The following AK5 variants were observed in gnomAD, a reference collection of about 807,000 sequenced individuals.
AK5 encodes the protein adenylate kinase 5, also known as adenylate kinase isoenzyme 5.
In AK5, 27 loss-of-function variants were observed where a neutral mutation model predicts 69.5. The observed-to-expected ratio is 0.39, with a 90% CI of 0.29 to 0.54. The LOEUF (loss-of-function observed/expected upper bound fraction) is 0.54, where lower values mean the gene tolerates loss of function less well. AK5 is among the 20% of genes least tolerant of loss of function. AK5 has a pLI of 0.71. For synonymous variants in AK5, 260 were observed against 244.4 expected, an observed-to-expected ratio of 1.06 and a Z score of -0.60; for missense variants, 531 against 700.4, an observed-to-expected ratio of 0.76 and a Z score of 2.73.
At chr1:77,305,007 C>G (rs928239986) in intron 5 of AK5, among the ~76,000 whole-genome samples, 7 of 152,036 alleles carry the variant, frequency 4.6e-5, no homozygotes. Flanking sequence ...TTGTTGTTGC[C>G]TGTCTTTTGT....
At chr1:77,521,364 C>T (rs1004000333) in intron 11 of AK5, among the ~76,000 whole-genome samples, 1 of 152,072 alleles carries the variant, frequency 6.6e-6, no homozygotes, top group East Asian at 1.9e-4. Context: ...GAACTCCTGA[C>T]CTCAGGTGAT....
intron 6 of AK5, among the ~76,000 whole-genome samples, chr1:77,367,747 T>TATATATA (rs1557533676): frequency 2.2e-4 from 2 of 9,174 alleles, no homozygotes; most frequent in African/African-American, 3.1e-4. Context: ...CGTTATATGT[T>TATATATA]ATATATGTTA....
chr1:77,453,628 A>C (rs1036704546), intron 8 of AK5, among the ~76,000 whole-genome samples: 1 of 152,222 alleles, frequency 6.6e-6, no homozygotes, highest in Non-Finnish European at 1.5e-5. Context: ...TATAATAAAC[A>C]GCAGGGGAGA....
intron 10 of AK5, among the ~76,000 whole-genome samples, chr1:77,491,087 GT>G (rs1655963181): frequency 6.6e-6 from 1 of 151,902 alleles, no homozygotes; most frequent in Non-Finnish European, 1.5e-5. Context: ...GTGATAAACT[GT>G]TTTTAAGTAG....
chr1:77,530,826 AC>A (rs947286953), intron 12 of AK5, among the ~76,000 whole-genome samples: 3 of 152,060 alleles, frequency 2.0e-5, no homozygotes, highest in Admixed American at 1.3e-4. Context: ...ACGTGGCCTA[AC>A]CCCCATTCTG....
At chr1:77,386,099 C>A (rs145774153) in intron 6 of AK5, among the ~76,000 whole-genome samples, 1 of 152,166 alleles carries the variant, frequency 6.6e-6, no homozygotes, top group East Asian at 1.9e-4. Flanking sequence ...ATAGTCATAA[C>A]CTTGCTTAGT....
chr1:77,475,497 TATATATTATATATATATG>T, intron 8 of AK5, among the ~76,000 whole-genome samples: 1 of 45,856 alleles, frequency 2.2e-5, no homozygotes, highest in African/African-American at 6.7e-5. Context: ...TATATACAAA[TATATATTATATATATATG>T]TATATATATT....
At chr1:77,499,453 G>A (rs1027202732) in intron 10 of AK5, among the ~76,000 whole-genome samples, 1 of 152,178 alleles carries the variant, frequency 6.6e-6, no homozygotes, top group Non-Finnish European at 1.5e-5. Flanking sequence ...TGGATCACGC[G>A]TTACTGCCAC....
chr1:77,412,609 G>A (rs1263596039), intron 7 of AK5, among the ~76,000 whole-genome samples: 1 of 152,098 alleles, frequency 6.6e-6, no homozygotes, highest in Non-Finnish European at 1.5e-5. Context: ...CGCTGTTAAG[G>A]AACAATGGTG....
At chr1:77,457,733 T>G (rs969954159) in intron 8 of AK5, among the ~76,000 whole-genome samples, 2 of 152,204 alleles carry the variant, frequency 1.3e-5, no homozygotes, top group Non-Finnish European at 2.9e-5. Context: ...AAAAGTTTTC[T>G]CCTAAGTTTT....
At chr1:77,421,348 G>C (rs1207222633) in intron 8 of AK5, among the ~76,000 whole-genome samples, 1 of 152,136 alleles carries the variant, frequency 6.6e-6, no homozygotes, top group Non-Finnish European at 1.5e-5. Flanking sequence ...GGTAAAGCCA[G>C]GATTCAAAAG....
intron 5 of AK5, among the ~76,000 whole-genome samples, chr1:77,300,251 C>T (rs1015027579): frequency 1.3e-5 from 2 of 152,188 alleles, no homozygotes; most frequent in Admixed American, 6.5e-5. Flanking sequence ...GATTTGGGGT[C>T]TGTTAGCAAA....
intron 6 of AK5, among the ~76,000 whole-genome samples, chr1:77,376,972 C>G (rs1482834207): frequency 6.6e-6 from 1 of 152,136 alleles, no homozygotes; most frequent in African/African-American, 2.4e-5. Flanking sequence ...TAAGTCACAC[C>G]ATTAAATAAC....
chr1:77,298,881 A>G (rs1484118177), intron 5 of AK5, among the ~76,000 whole-genome samples: 2 of 152,114 alleles, frequency 1.3e-5, no homozygotes, highest in Non-Finnish European at 2.9e-5. Flanking sequence ...GCTCATACAA[A>G]TTTTAAGTCT....
intron 9 of AK5, among the ~76,000 whole-genome samples, chr1:77,484,129 C>T (rs2100724233): frequency 6.7e-6 from 1 of 148,342 alleles, no homozygotes; most frequent in African/African-American, 2.5e-5. Flanking sequence ...TGCGTCATTG[C>T]ACTCTTGGCG....
At chr1:77,503,588 G>A (rs1656850030) in intron 10 of AK5, among the ~76,000 whole-genome samples, 1 of 152,114 alleles carries the variant, frequency 6.6e-6, no homozygotes, top group South Asian at 2.1e-4. Context: ...GGATAGATTT[G>A]TCTATAAGGT....
intron 5 of AK5, among the ~76,000 whole-genome samples, chr1:77,327,180 A>G (rs977068698): frequency 1.3e-5 from 2 of 152,152 alleles, no homozygotes; most frequent in African/African-American, 4.8e-5. Context: ...TGAGGCCAGG[A>G]GTTCAAGACC....
chr1:77,368,284 T>TATATATGTTATATATA (rs1647051497), intron 6 of AK5, among the ~76,000 whole-genome samples: 8 of 98,980 alleles, frequency 8.1e-5, no homozygotes, highest in Non-Finnish European at 1.4e-4. Flanking sequence ...TTATATATGT[T>TATATATGTTATATATA]ATATATATGT....
intron 10 of AK5, among the ~76,000 whole-genome samples, chr1:77,514,267 A>G (rs116672312): frequency 0.013 from 1,992 of 152,274 alleles, 19 homozygotes; most frequent in Non-Finnish European, 0.019. Flanking sequence ...GTAATGGTAC[A>G]CTAAAAATGA....
Sources: gnomAD v4.1 joint callset for allele counts (sites outside exome capture counted in the v4.1 genomes callset) on GRCh38, gnomAD v4.1.1 for gene constraint, MANE v1.5 for transcripts, NCBI Gene and HGNC (gene_info 2026-07-23, HGNC 2026-07-21) for gene names.